ZNF551: variants seen among roughly 807,000 people sequenced by gnomAD.
ZNF551 encodes the protein KOX 23 protein (56 AA).
In ZNF551, 5 loss-of-function variants were observed where a neutral mutation model predicts 7.9. The observed-to-expected ratio is 0.63, with a 90% CI of 0.33 to 1.33. The LOEUF (loss-of-function observed/expected upper bound fraction) is 1.33. Among genes scored for constraint, ZNF551 ranks in the 40% most tolerant of loss-of-function variants. The pLI, the probability that ZNF551 is intolerant of heterozygous loss-of-function variation, is 0.05. For missense variants in ZNF551, 788 were observed against 825.2 expected (o/e 0.95, Z 0.55); for synonymous variants, 287 against 277.3 (o/e 1.03, Z -0.35).
chr19:57,688,114 A>G lies in ZNF551; in HGVS notation c.1839A>G (p.Arg613=), dbSNP rs879232149. ...ACCAGAGAGGTCACACTGGAGAAAG[A>G]CCTTATGAGTGCAGTCAATGTGGGA... ...IQHQRGHTGE[R]PYECSQCGKP... The change falls in exon 3 of 3, where the codon AGA becomes AGG. Residue 613 remains arginine (R), a synonymous_variant. Coordinates refer to ENST00000282296, the MANE Select transcript of ZNF551 (RefSeq NM_138347.5). The G allele has an allele frequency of 6.2e-7, 1 of 1,613,386 alleles. No homozygotes were observed. The highest frequency in any genetic ancestry group is 8.5e-7 in the Non-Finnish European group (1 of 1,179,842).
chr19:57,683,296 T>A (rs1218556829), intron 1 of ZNF551, among the ~76,000 whole-genome samples: 1 of 152,220 alleles, frequency 6.6e-6, no homozygotes, highest in African/African-American at 2.4e-5. Flanking sequence ...ATTCATTTTT[T>A]AAGTAGGGCT....
intron 2 of ZNF551, among the ~76,000 whole-genome samples, chr19:57,686,240 G>T (rs1735258673): frequency 1.3e-5 from 2 of 152,186 alleles, no homozygotes; most frequent in South Asian, 2.1e-4. Flanking sequence ...GGCAGAGAGT[G>T]AGTTGGAGAC....
chr19:57,687,387 C>G lies in ZNF551; in HGVS notation c.1112C>G (p.Ser371Cys), dbSNP rs769544202. Residue 371 changes from serine to cysteine, a missense_variant, in exon 3 of 3, where the codon TCC (serine) becomes TGC (cysteine). Ser to Cys is a moderately radical substitution (Grantham distance 112). Transcript: ENST00000282296. ...RPYECGECGKSFRQSSSLFRH... is the reference protein window; with the variant it reads ...RPYECGECGKCFRQSSSLFRH... ...TATGAATGTGGCGAGTGCGGGAAAT[C>G]CTTTAGACAAAGCTCTAGCCTTTTT... The G allele has an allele frequency of 1.2e-6, 2 of 1,614,092 alleles. No individual in the cohort carries two copies. Among genetic ancestry groups the G allele is most frequent in the Non-Finnish European group, 1.7e-6 (2 of 1,180,018 alleles).
At chr19:57,683,403 T>A (rs1429736167) in intron 1 of ZNF551, among the ~76,000 whole-genome samples, 2 of 152,202 alleles carry the variant, frequency 1.3e-5, no homozygotes, top group Non-Finnish European at 2.9e-5. Flanking sequence ...TCAACTAAGA[T>A]GGGGAAGTAC....
chr19:57,688,288 A>G lies in ZNF551; in HGVS notation c.2013A>G (p.Ter671=). The change falls in exon 3 of 3, where the codon TAA becomes TAG. Residue 671 remains the stop codon, a stop_retained_variant. Transcript: ENST00000282296. ...HRRVHTEERP[*] ...GAGTTCACACTGAAGAAAGGCCTTA[A>G]ATGTGAAGGGAATGTGCTATTTCTT... 2 of 1,612,856 alleles carry G rather than the reference A, an allele frequency of 1.2e-6. No homozygotes were observed. Among genetic ancestry groups the G allele is most frequent in the Non-Finnish European group, 1.7e-6 (2 of 1,178,936 alleles).
chr19:57,687,265 T>G lies in ZNF551; in HGVS notation c.990T>G (p.Thr330=). 1 of 1,614,190 alleles carries G rather than the reference T, an allele frequency of 6.2e-7. No individual in the cohort carries two copies. Among genetic ancestry groups the G allele is most frequent in the Non-Finnish European group, 8.5e-7 (1 of 1,180,034 alleles). ...TCATTCACCACCAGAGACGTCACACTGGAGGAGTGCGTCATGAGTGTGGTG... is the reference window on the plus strand; with the variant it reads ...TCATTCACCACCAGAGACGTCACACGGGAGGAGTGCGTCATGAGTGTGGTG... The part of the protein sequence containing the change: ...SEFIHHQRRH[T]GGVRHECGEC... The change falls in exon 3 of 3, where the codon ACT becomes ACG. Residue 330 remains threonine (T), a synonymous_variant. Transcript: ENST00000282296.
rs1414748814 is a variant in ZNF551 at position 57,689,106 on chromosome 19, T to A, written c.*818T>A. The A allele has an allele frequency of 2.0e-5, 3 of 152,246 alleles. No individual in the cohort carries two copies. Among genetic ancestry groups the A allele is most frequent in the African/African-American group, 7.2e-5 (3 of 41,468 alleles). 9.4% of individuals were successfully genotyped at this position (152,246 alleles called of 1,614,324 possible). A position where few individuals can be genotyped will look rare whatever the true frequency, so the allele number is the denominator to read the frequency against. On this transcript the variant is annotated 3_prime_UTR_variant, in exon 3 of 3. Coordinates refer to ENST00000282296, the MANE Select transcript of ZNF551 (RefSeq NM_138347.5). The stretch of plus-strand genomic sequence containing the variant: ...TCCTGTATTGTGGCCTGGTGCCATT[T>A]TTGTCAGGTCAGAGGTCACCATGAA...
At position 57,684,150 on chromosome 19, in the gene ZNF551, A is replaced by G. The variant is rs549726410; in HGVS notation, c.82-1112A>G. ...GGTGAGGTTGAAGCAAGGAATAGTC[A>G]GGTAGAAAGGCCTTCATGGTATGAC... On this transcript the variant is annotated intron_variant, in intron 1 of 2. Coordinates refer to ENST00000282296, the MANE Select transcript of ZNF551 (RefSeq NM_138347.5). 2.1e-3 allele frequency among the ~76,000 whole-genome samples: 316 copies of G among 152,292 alleles called. 1 individual carries two copies. The highest frequency in any genetic ancestry group is 7.3e-3 in the African/African-American group (303 of 41,552).
At chr19:57,685,522 T>G in intron 2 of ZNF551, 137 bp downstream of exon 2, 2 of 1,369,406 alleles carry the variant, frequency 1.5e-6, no homozygotes, top group Non-Finnish European at 1.0e-6. Flanking sequence ...GTGTACAGAT[T>G]CATGGTACCT....
Position 57,688,220 on chromosome 19 carries a change from G to C in ZNF551, c.1945G>C (p.Gly649Arg). The C allele has an allele frequency of 6.2e-7, 1 of 1,614,262 alleles. No individual in the cohort carries two copies. Among genetic ancestry groups the C allele is most frequent in the Non-Finnish European group, 8.5e-7 (1 of 1,180,044 alleles). Residue 649 changes from glycine to arginine, a missense_variant, in exon 3 of 3, where the codon GGG becomes CGG. Coordinates refer to ENST00000282296, the MANE Select transcript of ZNF551 (RefSeq NM_138347.5). The part of the protein sequence containing the change: ...GERPYECSEC[G>R]KSFSRKSNLI... Reference sequence around the variant, plus strand: ...AAGGCCTTATGAATGCAGTGAATGTGGGAAATCCTTTAGCCGCAAATCTAA... The same window carrying C: ...AAGGCCTTATGAATGCAGTGAATGTCGGAAATCCTTTAGCCGCAAATCTAA...
rs73575239 is a variant in ZNF551, at chr19:57,688,455, G to A, written c.*167G>A. The A allele has an allele frequency of 0.012, 11,012 of 942,202 alleles. 774 individuals carry two copies. In the African/African-American group the frequency reaches 0.16, roughly 14 times the overall value. 58.4% of individuals were successfully genotyped at this position (942,202 alleles called of 1,614,324 possible). On this transcript the variant is annotated 3_prime_UTR_variant, in exon 3 of 3. Transcript: ENST00000282296. ...GGTTCATTGTAATTTCTAATCTGCCGAGGCCTATAGCCTGATTTATGTCAC... is the reference window on the plus strand; with the variant it reads ...GGTTCATTGTAATTTCTAATCTGCCAAGGCCTATAGCCTGATTTATGTCAC...
intron 2 of ZNF551, among the ~76,000 whole-genome samples, chr19:57,685,736 G>A (rs1202098289): frequency 6.6e-6 from 1 of 152,146 alleles, no homozygotes; most frequent in East Asian, 1.9e-4. Context: ...GTGTTATGTG[G>A]TAGCACAATG....
rs1319117686 is a variant in ZNF551 at position 57,687,096 on chromosome 19, C to A, written c.821C>A (p.Thr274Asn). ...NTLVQHQQIHTGQKMFECSEC... is the reference protein window; with the variant it reads ...NTLVQHQQIHNGQKMFECSEC... ...CTTGTTCAGCACCAGCAAATTCACA[C>A]TGGACAAAAGATGTTTGAGTGTAGT... The change falls in exon 3 of 3, where the codon ACT (threonine) becomes AAT (asparagine). Residue 274 changes from threonine to asparagine, a missense_variant. Thr to Asn is a moderately conservative substitution (Grantham distance 65, BLOSUM62 0). Coordinates refer to ENST00000282296, the MANE Select transcript of ZNF551 (RefSeq NM_138347.5). The A allele has an allele frequency of 9.3e-6, 15 of 1,614,218 alleles. No homozygotes were observed. Among genetic ancestry groups the A allele is most frequent in the Non-Finnish European group, 1.1e-5 (13 of 1,180,046 alleles).
chr19:57,686,839 A>G lies in ZNF551; in HGVS notation c.564A>G (p.Pro188=). 1.2e-6 allele frequency: 2 copies of G among 1,614,212 alleles called. No homozygotes were observed. The highest frequency in any genetic ancestry group is 1.1e-5 in the South Asian group (1 of 91,086). Residue 188 remains proline, a synonymous_variant, in exon 3 of 3, where the codon CCA becomes CCG. Coordinates refer to ENST00000282296, the MANE Select transcript of ZNF551 (RefSeq NM_138347.5). ...ATTTCACCTGTGGGGAGGCCTTCCCAGCCCCCACGGACCTACTCCAACACG... is the reference window on the plus strand; with the variant it reads ...ATTTCACCTGTGGGGAGGCCTTCCCGGCCCCCACGGACCTACTCCAACACG... The part of the protein sequence containing the change: ...LNYFTCGEAF[P]APTDLLQHEA...
Position 57,687,129 on chromosome 19 carries a change from A to T in ZNF551, c.854A>T (p.Glu285Val), listed in dbSNP as rs1420641319. 1 of 1,614,226 alleles carries T rather than the reference A, an allele frequency of 6.2e-7. No individual in the cohort carries two copies. The highest frequency in any genetic ancestry group is 2.2e-5 in the East Asian group (1 of 44,888). The stretch of plus-strand genomic sequence containing the variant: ...AAGATGTTTGAGTGTAGTGAATGTG[A>T]GGAATCCTTTAGCAAAAAGTGCCAC... The part of the protein sequence containing the change: ...GQKMFECSEC[E>V]ESFSKKCHLI... The change falls in exon 3 of 3, where the codon GAG (glutamate) becomes GTG (valine). Residue 285 changes from glutamate to valine, a missense_variant. Physicochemically the swap from Glu to Val is moderately radical, Grantham distance 121. Coordinates refer to ENST00000282296, the MANE Select transcript of ZNF551 (RefSeq NM_138347.5).
chr19:57,688,927 T>G lies in ZNF551; in HGVS notation c.*639T>G, dbSNP rs1226478129. ...GAATGACTTGTAAGCAGAATAGTGATGTCAGCATGAAGGGGTGAATAGATT... is the reference window on the plus strand; with the variant it reads ...GAATGACTTGTAAGCAGAATAGTGAGGTCAGCATGAAGGGGTGAATAGATT... On this transcript the variant is annotated 3_prime_UTR_variant, in exon 3 of 3. Transcript: ENST00000282296. The G allele has an allele frequency of 6.5e-6, 1 of 152,960 alleles. No individual in the cohort carries two copies. The highest frequency in any genetic ancestry group is 1.9e-4 in the East Asian group (1 of 5,210). 9.5% of individuals were successfully genotyped at this position (152,960 alleles called of 1,614,324 possible).
At position 57,688,170 on chromosome 19, in the gene ZNF551, A is replaced by G; in HGVS notation, c.1895A>G (p.Gln632Arg). 6.2e-7 allele frequency: 1 copy of G among 1,614,132 alleles called. No homozygotes were observed. The highest frequency in any genetic ancestry group is 8.5e-7 in the Non-Finnish European group (1 of 1,180,010). ...KPFTHKSDLI[Q>R]HQRVHTGERP... Reference sequence around the variant, plus strand: ...TTTACCCACAAATCAGACCTTATTCAGCACCAAAGAGTTCACACTGGAGAA... The same window carrying G: ...TTTACCCACAAATCAGACCTTATTCGGCACCAAAGAGTTCACACTGGAGAA... The change falls in exon 3 of 3, where the codon CAG (glutamine) becomes CGG (arginine). Residue 632 changes from glutamine to arginine, a missense_variant. Transcript: ENST00000282296.
In ZNF551 at chr19:57,688,252, T is replaced by G; in HGVS notation, c.1977T>G (p.Ile659Met). ...CCTTTAGCCGCAAATCTAACCTCAT[T>G]CGACATCGGAGAGTTCACACTGAAG... is the stretch of plus-strand genomic sequence containing the variant. ...GKSFSRKSNL[I>M]RHRRVHTEER... The change falls in exon 3 of 3, where the codon ATT (isoleucine) becomes ATG (methionine). Residue 659 changes from isoleucine (I) to methionine (M), a missense_variant. Transcript: ENST00000282296. 6.2e-7 allele frequency: 1 copy of G among 1,614,242 alleles called. No individual in the cohort carries two copies. The highest frequency in any genetic ancestry group is 1.1e-5 in the South Asian group (1 of 91,082).
In ZNF551 at chr19:57,686,604, TC is replaced by T. The variant is rs753029212; in HGVS notation, c.332del (p.Pro111GlnfsTer3). On this transcript the variant is annotated frameshift_variant, in exon 3 of 3. Coordinates refer to ENST00000282296, the MANE Select transcript of ZNF551 (RefSeq NM_138347.5). LOFTEE classifies it low-confidence loss of function (END_TRUNC). ...KTHLSEIKMC[V>X]PVLKDILPAA... is the part of the protein sequence containing the mutation. Reference sequence around the variant, plus strand: ...CACCTCAGTGAGATTAAGATGTGTGTCCCAGTCTTGAAAGACATTTTGCCTG... The same window carrying T: ...CACCTCAGTGAGATTAAGATGTGTGTCCAGTCTTGAAAGACATTTTGCCTG... The T allele has an allele frequency of 4.3e-6, 7 of 1,614,044 alleles. No individual in the cohort carries two copies. In the African/African-American group the frequency reaches 5.3e-5, roughly 12 times the overall value.
Sources: allele counts gnomAD v4.1 joint callset (sites outside exome capture counted in the v4.1 genomes callset), GRCh38; gene constraint gnomAD v4.1.1; transcripts MANE v1.5; gene names NCBI Gene and HGNC (gene_info 2026-07-23, HGNC 2026-07-21).